The following TMEM163 variants were observed in gnomAD, a reference collection of about 807,000 sequenced individuals.
The protein encoded by TMEM163 is transmembrane protein 163.
TMEM163 carries 17 observed loss-of-function variants against 29.3 expected under a neutral mutation model. The observed-to-expected ratio is 0.58, with a 90% CI of 0.40 to 0.87. TMEM163 has a LOEUF of 0.87. TMEM163 is among the 40% of genes least tolerant of loss of function. The pLI, the probability that TMEM163 is intolerant of heterozygous loss-of-function variation, is 0.00. For synonymous variants in TMEM163, 157 were observed against 160.6 expected (o/e 0.98, Z 0.17); for missense variants, 303 against 381.5 (o/e 0.79, Z 1.71).
intron 4 of TMEM163, among the ~76,000 whole-genome samples, chr2:134,541,799 CACAT>C (rs61384962): frequency 0.017 from 2,360 of 141,610 alleles, 55 homozygotes; most frequent in African/African-American, 0.061. Context: ...CACACACACA[CACAT>C]ACACACACAC....
At chr2:134,632,380 A>G (rs570369359) in intron 2 of TMEM163, among the ~76,000 whole-genome samples, 2 of 152,388 alleles carry the variant, frequency 1.3e-5, no homozygotes, top group South Asian at 2.1e-4. Flanking sequence ...TATTTCAACC[A>G]TAACTACATA....
At chr2:134,554,944 C>T (rs567411078) in intron 2 of TMEM163, among the ~76,000 whole-genome samples, 7 of 152,204 alleles carry the variant, frequency 4.6e-5, no homozygotes, top group East Asian at 1.9e-4. Context: ...AAATTGGCTC[C>T]GTCTAATTTC....
rs550865059 is a variant in TMEM163 at position 134,635,905 on chromosome 2, C to T, written c.322+77295G>A. ...AAGCAGAGACCCCATGAACAACATT[C>T]GGGGTTGACACTCATTGGGGAGACA... On this transcript the variant is annotated intron_variant, in intron 2 of 7. Coordinates refer to ENST00000281924, the MANE Select transcript of TMEM163 (RefSeq NM_030923.5). Among the ~76,000 whole-genome samples, 18 of 152,224 alleles carry T rather than the reference C, an allele frequency of 1.2e-4. No individual in the cohort carries two copies. In the South Asian group the frequency reaches 3.7e-3, roughly 32 times the overall value.
intron 2 of TMEM163, among the ~76,000 whole-genome samples, chr2:134,676,955 A>T (rs1012699507): frequency 6.6e-6 from 1 of 152,188 alleles, no homozygotes; most frequent in Non-Finnish European, 1.5e-5. Context: ...GGAAAAAAAT[A>T]CAAGAGTCTG....
intron 2 of TMEM163, among the ~76,000 whole-genome samples, chr2:134,624,520 G>A (rs531202278): frequency 6.6e-6 from 1 of 152,138 alleles, no homozygotes. Flanking sequence ...TAATACCTGG[G>A]TGATGAAATA....
At chr2:134,592,203 C>T (rs1479243655) in intron 2 of TMEM163, among the ~76,000 whole-genome samples, 1 of 152,102 alleles carries the variant, frequency 6.6e-6, no homozygotes, top group African/African-American at 2.4e-5. Flanking sequence ...AGCCAAGGTT[C>T]TTGTTATGTA....
At chr2:134,713,354 T>G (rs749411796) in intron 1 of TMEM163, 35 bp from the exon 2 acceptor site, 1 of 1,611,266 alleles carries the variant, frequency 6.2e-7, no homozygotes, top group Non-Finnish European at 8.5e-7. Context: ...AGTTAGACAT[T>G]TCCTTACTAA....
At chr2:134,589,251 T>C (rs1681887634) in intron 2 of TMEM163, among the ~76,000 whole-genome samples, 1 of 152,152 alleles carries the variant, frequency 6.6e-6, no homozygotes, top group Admixed American at 6.5e-5. Flanking sequence ...TTAAAGGCAT[T>C]TGAACCAGAG....
chr2:134,606,812 G>C (rs553085858), intron 2 of TMEM163, among the ~76,000 whole-genome samples: 2 of 152,368 alleles, frequency 1.3e-5, no homozygotes, highest in Admixed American at 6.5e-5. Flanking sequence ...GATGGGGGCA[G>C]TGAGTGAATC....
intron 2 of TMEM163, among the ~76,000 whole-genome samples, chr2:134,655,800 C>T (rs1478421071): frequency 1.4e-5 from 2 of 141,520 alleles, no homozygotes; most frequent in Non-Finnish European, 3.0e-5. Context: ...TGTTGGAATA[C>T]CCTGCCGTGT....
At chr2:134,553,002 C>A (rs552464477) in intron 2 of TMEM163, among the ~76,000 whole-genome samples, 1 of 152,266 alleles carries the variant, frequency 6.6e-6, no homozygotes, top group African/African-American at 2.4e-5. Context: ...TTGGGTAGCA[C>A]TTTTTCCTAA....
chr2:134,490,885 G>C (rs542335827), intron 5 of TMEM163, among the ~76,000 whole-genome samples: 2 of 152,162 alleles, frequency 1.3e-5, no homozygotes, highest in South Asian at 4.2e-4. Flanking sequence ...AAAGCATTCA[G>C]TATGATTCTC....
chr2:134,582,624 G>A (rs1477813592), intron 2 of TMEM163, among the ~76,000 whole-genome samples: 1 of 152,206 alleles, frequency 6.6e-6, no homozygotes, highest in African/African-American at 2.4e-5. Context: ...GCCCAAGCTG[G>A]TGCATGGTGG....
chr2:134,492,679 G>T (rs557724125), intron 5 of TMEM163, among the ~76,000 whole-genome samples: 1 of 152,032 alleles, frequency 6.6e-6, no homozygotes, highest in African/African-American at 2.4e-5. Context: ...CACCGCATGC[G>T]TCAGTAGTGT....
intron 5 of TMEM163, among the ~76,000 whole-genome samples, chr2:134,480,484 C>A (rs1275424577): frequency 6.6e-6 from 1 of 152,178 alleles, no homozygotes; most frequent in Non-Finnish European, 1.5e-5. Context: ...ATTAAGCACT[C>A]AGTTCCTCAT....
intron 6 of TMEM163, among the ~76,000 whole-genome samples, chr2:134,463,972 T>C (rs143514183): frequency 7.7e-4 from 117 of 152,304 alleles, no homozygotes; most frequent in African/African-American, 2.8e-3. Context: ...CTGTTGCACA[T>C]GAGGGGCCTT....
At position 134,474,752 on chromosome 2, in the gene TMEM163, CTATT is replaced by C. The variant is rs374325707; in HGVS notation, c.556-8531_556-8528del. Among the ~76,000 whole-genome samples, 512 of 152,168 alleles carry C rather than the reference CTATT, an allele frequency of 3.4e-3. 5 individuals are homozygous for C. The highest frequency in any genetic ancestry group is 0.012 in the African/African-American group (495 of 41,538). On this transcript the variant is annotated intron_variant, in intron 5 of 7. Coordinates refer to ENST00000281924, the MANE Select transcript of TMEM163 (RefSeq NM_030923.5). ...TAGAAATATGGAGTTTTTGGAAATA[CTATT>C]TAAAGTAGCACAAAAATACTAAATA...
At chr2:134,634,169 G>T (rs536388238) in intron 2 of TMEM163, among the ~76,000 whole-genome samples, 1 of 151,732 alleles carries the variant, frequency 6.6e-6, no homozygotes, top group Non-Finnish European at 1.5e-5. Flanking sequence ...GTCAGATGGG[G>T]CATGAACAAA....
chr2:134,528,587 G>A (rs1680344959), intron 4 of TMEM163, among the ~76,000 whole-genome samples: 1 of 152,170 alleles, frequency 6.6e-6, no homozygotes, highest in African/African-American at 2.4e-5. Context: ...CAAACAATTT[G>A]GAGTAACATC....
Sources: allele counts gnomAD v4.1 joint callset (sites outside exome capture counted in the v4.1 genomes callset), GRCh38; gene constraint gnomAD v4.1.1; transcripts MANE v1.5; gene names NCBI Gene and HGNC (gene_info 2026-07-23, HGNC 2026-07-21).